The following COPA variants were observed in gnomAD, a reference collection of about 807,000 sequenced individuals.
COPA encodes the protein coat protein complex I subunit alpha.
A neutral mutation model predicts 158.7 loss-of-function variants in COPA; 10 were observed. The ratio of observed to expected loss-of-function variants is 0.06; its 90% confidence interval spans 0.04 to 0.11. COPA has a LOEUF of 0.11. Ranked by LOEUF, COPA falls within the 10% of genes least tolerant of loss-of-function variation. COPA has a pLI of 1.00. For missense variants in COPA, 1,065 were observed against 1,536.7 expected, an observed-to-expected ratio of 0.69 and a Z score of 5.13; for synonymous variants, 462 against 542.8, an observed-to-expected ratio of 0.85 and a Z score of 2.07.
chr1:160,313,708 C>T (rs1026872192), intron 9 of COPA, among the ~76,000 whole-genome samples: 15 of 152,194 alleles, frequency 9.9e-5, no homozygotes, highest in African/African-American at 1.7e-4. Flanking sequence ...CCACCGCGCC[C>T]GGCCTCATTC....
At chr1:160,325,791 G>T in intron 6 of COPA, 139 bp from the exon 7 acceptor site, 1 of 663,048 alleles carries the variant, frequency 1.5e-6, no homozygotes, top group Non-Finnish European at 2.6e-6. Flanking sequence ...AGAGACTCAA[G>T]AATTCCTATT....
At chr1:160,320,470 T>A (rs1659294596) in intron 8 of COPA, among the ~76,000 whole-genome samples, 1 of 150,348 alleles carries the variant, frequency 6.7e-6, no homozygotes, top group African/African-American at 2.4e-5. Flanking sequence ...ATTAGCTGGG[T>A]ATGGTGGCAC....
chr1:160,314,169 A>G (rs1279251057), intron 8 of COPA, 44 bp from the exon 9 acceptor site: 2 of 1,578,958 alleles, frequency 1.3e-6, no homozygotes, highest in Admixed American at 1.8e-5. Context: ...CCCTACTACT[A>G]TAACTTTAGG....
intron 17 of COPA, among the ~76,000 whole-genome samples, chr1:160,304,242 G>A (rs1247493021): frequency 6.6e-6 from 1 of 151,534 alleles, no homozygotes; most frequent in Non-Finnish European, 1.5e-5. Context: ...TTGAACTCCT[G>A]ACCTCCAGTG....
chr1:160,330,833 C>T (rs1340684583), intron 6 of COPA, among the ~76,000 whole-genome samples: 3 of 152,106 alleles, frequency 2.0e-5, no homozygotes, highest in African/African-American at 7.2e-5. Flanking sequence ...CAGTCACTGA[C>T]ATTTCAAAGA....
At chr1:160,341,978 C>A (rs1026464540) in intron 1 of COPA, among the ~76,000 whole-genome samples, 10 of 152,170 alleles carry the variant, frequency 6.6e-5, no homozygotes, top group Non-Finnish European at 1.3e-4. Context: ...CTATACAGGT[C>A]TCAGAAATTC....
chr1:160,332,397 C>T, intron 6 of COPA, 51 bp downstream of exon 6: 2 of 1,257,812 alleles, frequency 1.6e-6, no homozygotes, highest in South Asian at 1.3e-5. Context: ...TAAGCAATTG[C>T]AGTTTTGCAC....
intron 21 of COPA, among the ~76,000 whole-genome samples, chr1:160,296,750 G>A (rs551749910): frequency 2.0e-5 from 3 of 152,174 alleles, no homozygotes; most frequent in Non-Finnish European, 2.9e-5. Context: ...TCTTTGAGAC[G>A]TATCCATCCG....
At chr1:160,314,172 A>C (rs1228785957) in intron 8 of COPA, 47 bp from the exon 9 acceptor site, 1 of 1,568,804 alleles carries the variant, frequency 6.4e-7, no homozygotes, top group Non-Finnish European at 8.6e-7. Context: ...TACTACTATA[A>C]CTTTAGGATT....
Position 160,299,094 on chromosome 1 carries a change from C to A in COPA, c.1830+8G>T. On this transcript the variant is annotated splice_region_variant and intron_variant, in intron 18 of 32. Coordinates refer to ENST00000241704, the MANE Select transcript of COPA (RefSeq NM_004371.4). ...CTTAATACTCTAGTTTGCATCCTCA[C>A]TTCATACCTCATCATATTTTCTGTT... is the stretch of plus-strand genomic sequence containing the variant. 1 of 1,568,348 alleles carries A rather than the reference C, an allele frequency of 6.4e-7. No homozygotes were observed. The highest frequency in any genetic ancestry group is 8.8e-7 in the Non-Finnish European group (1 of 1,139,080).
In COPA at chr1:160,309,173, C is replaced by A; in HGVS notation, c.1147G>T (p.Ala383Ser). Residue 383 changes from alanine to serine, a missense_variant, in exon 13 of 33, where the codon GCT becomes TCT. Coordinates refer to ENST00000241704, the MANE Select transcript of COPA (RefSeq NM_004371.4). Reference sequence around the variant, plus strand: ...TAGGTACTATTCTCTAGATTGCTAGCTCTCTGTAGAAGAAAAGGGGAAATT... The same window carrying A: ...TAGGTACTATTCTCTAGATTGCTAGATCTCTGTAGAAGAAAAGGGGAAATT... ...AENAVLLCTR[A>S]SNLENSTYDL... 6.2e-7 allele frequency: 1 copy of A among 1,611,820 alleles called. No homozygotes were observed. Among genetic ancestry groups the A allele is most frequent in the Non-Finnish European group, 8.5e-7 (1 of 1,178,074 alleles).
chr1:160,332,375 T>C (rs780444667), intron 6 of COPA, 73 bp downstream of exon 6: 37 of 949,070 alleles, frequency 3.9e-5, no homozygotes, highest in Admixed American at 1.6e-4. Context: ...AAGTCAACTC[T>C]CCTCACTATT....
At chr1:160,333,533 TAA>T in intron 5 of COPA, 68 bp downstream of exon 5, 1 of 1,103,288 alleles carries the variant, frequency 9.1e-7, no homozygotes, top group Non-Finnish European at 1.4e-6. Flanking sequence ...AAGATTGTTC[TAA>T]GAGAAGCTCA....
chr1:160,299,050 A>T lies in COPA; in HGVS notation c.1830+52T>A, dbSNP rs1658508483. 6.9e-6 allele frequency: 11 copies of T among 1,605,472 alleles called. No homozygotes were observed. In the South Asian group the frequency reaches 1.1e-4, roughly 16 times the overall value. On this transcript the variant is annotated intron_variant, in intron 18 of 32. Coordinates refer to ENST00000241704, the MANE Select transcript of COPA (RefSeq NM_004371.4). ...GACATCACTTACAGGAAAAGAAAAA[A>T]AAAAAGAGTGCTGCCTCTCTTAATA... is the stretch of plus-strand genomic sequence containing the variant.
rs766546034 is a variant in COPA at position 160,311,928 on chromosome 1, C to T, written c.1016G>A (p.Arg339Gln). ...HGNMLHYVKD[R>Q]FLRQLDFNSS... is the part of the protein sequence containing the mutation. ...GTTGAAATCCAGCTGTCGTAAGAAT[C>T]GGTCCTTGACATAGTGTAGCATATT... The change falls in exon 11 of 33, where the codon CGA becomes CAA. Residue 339 changes from arginine to glutamine, a missense_variant. Physicochemically the swap from Arg to Gln is conservative, Grantham distance 43 (BLOSUM62 1). Around this residue, in one of 2 missense-constraint regions of COPA, gnomAD observed 980 missense variants for 1,357.8 expected, o/e 0.72. Transcript: ENST00000241704. 7 of 1,613,958 alleles carry T rather than the reference C, an allele frequency of 4.3e-6. No individual in the cohort carries two copies. The highest frequency in any genetic ancestry group is 1.1e-5 in the South Asian group (1 of 91,056).
chr1:160,289,594 CTT>C lies in COPA; in HGVS notation c.*561_*562del, dbSNP rs5778156. On this transcript the variant is annotated 3_prime_UTR_variant, in exon 33 of 33. Coordinates refer to ENST00000241704, the MANE Select transcript of COPA (RefSeq NM_004371.4). ...AACAAATGTCCATCACAGAGTTTTC[CTT>C]TTTTTTTTTTTTGAGACAGAGTCTT... 2,289 of 142,872 alleles carry C rather than the reference CTT, an allele frequency of 0.016. 47 individuals carry two copies. The highest frequency in any genetic ancestry group is 0.045 in the African/African-American group (1,726 of 38,608). The allele number at this position is 142,872 out of a possible 1,614,324, so 8.9% of individuals were successfully genotyped here. A position where few individuals can be genotyped will look rare whatever the true frequency, so the allele number is the denominator to read the frequency against.
At chr1:160,329,830 C>T (rs374164174) in intron 6 of COPA, among the ~76,000 whole-genome samples, 2 of 152,102 alleles carry the variant, frequency 1.3e-5, no homozygotes, top group Non-Finnish European at 2.9e-5. Context: ...GAATAATTGC[C>T]GGCCAGGGGC....
intron 8 of COPA, among the ~76,000 whole-genome samples, chr1:160,321,900 A>G (rs1659340089): frequency 6.6e-6 from 1 of 152,212 alleles, no homozygotes; most frequent in South Asian, 2.1e-4. Context: ...CACTCTAACC[A>G]AAGAAGTGAA....
At chr1:160,294,331 G>C (rs1658332923) in intron 25 of COPA, among the ~76,000 whole-genome samples, 153 bp downstream of exon 25, 1 of 152,196 alleles carries the variant, frequency 6.6e-6, no homozygotes, top group African/African-American at 2.4e-5. Context: ...CATCAGACTA[G>C]GAGGGTCTAG....
Sources: gnomAD v4.1 joint callset for allele counts (sites outside exome capture counted in the v4.1 genomes callset) on GRCh38, gnomAD v4.1.1 for gene constraint, gnomAD v4.1.1 regional missense constraint, MANE v1.5 for transcripts, NCBI Gene and HGNC (gene_info 2026-07-23, HGNC 2026-07-21) for gene names.